Variants in USP22 observed in about 807,000 individuals in gnomAD.
USP22 encodes the protein ubiquitin specific peptidase 22.
USP22 carries 22 observed loss-of-function variants against 68.1 expected under a neutral mutation model. That is an observed-to-expected ratio of 0.32 (90% CI 0.23 to 0.46). USP22 has a LOEUF of 0.46. USP22 is among the 20% of genes least tolerant of loss of function. The pLI is 1.00. For synonymous variants in USP22, 279 were observed against 274.2 expected (o/e 1.02, Z -0.17); for missense variants, 433 against 695.8 (o/e 0.62, Z 4.25).
At position 21,021,353 on chromosome 17, in the gene USP22, A is replaced by C. The variant is rs148300071; in HGVS notation, c.305-127T>G. 82 of 659,364 alleles carry C rather than the reference A, an allele frequency of 1.2e-4. 2 individuals are homozygous for C. Among genetic ancestry groups the C allele is most frequent in the African/African-American group, 1.2e-3 (69 of 56,164 alleles). The allele number at this position is 659,364 out of a possible 1,614,324, so 40.8% of individuals were successfully genotyped here. On this transcript the variant is annotated intron_variant, in intron 2 of 12. Transcript: ENST00000261497. ...TGTTCACAGCACCTTCCTATTCACAAGCAGGGAAGCCAGTCCAGCGGAGTC... is the reference window on the plus strand; with the variant it reads ...TGTTCACAGCACCTTCCTATTCACACGCAGGGAAGCCAGTCCAGCGGAGTC...
At chr17:21,042,357 A>G (rs1444603011) in intron 1 of USP22, 24 of 143,620 alleles carry the variant, frequency 1.7e-4, no homozygotes, top group African/African-American at 9.0e-4. Flanking sequence ...GGCGGAGAGA[A>G]AGGAGGGGGA....
rs950602215 is a variant in USP22, at chr17:21,019,197, A to G, written c.419-12T>C. ...CTTCTCTCCAACGCCTAAGCAGATG[A>G]AGGACAGTTCCAAGCGCTATTAGCT... On this transcript the variant is annotated splice_polypyrimidine_tract_variant and intron_variant, in intron 3 of 12. Transcript: ENST00000261497. The G allele has an allele frequency of 6.2e-7, 1 of 1,613,120 alleles. No homozygotes were observed. The highest frequency in any genetic ancestry group is 8.5e-7 in the Non-Finnish European group (1 of 1,179,132).
chr17:21,012,976 A>G, intron 6 of USP22, 41 bp from the exon 7 acceptor site: 1 of 1,586,982 alleles, frequency 6.3e-7, no homozygotes, highest in Non-Finnish European at 8.7e-7. Flanking sequence ...GTCTCCCCAA[A>G]TATGGGGAGT....
intron 8 of USP22, among the ~76,000 whole-genome samples, chr17:21,010,390 T>A (rs57721545): frequency 0.095 from 14,444 of 152,012 alleles, 1,690 homozygotes; most frequent in African/African-American, 0.28. Flanking sequence ...CATTTTTTTT[T>A]AAAAATCACT....
intron 2 of USP22, among the ~76,000 whole-genome samples, chr17:21,023,670 G>T (rs1972185764): frequency 6.7e-6 from 1 of 149,778 alleles, no homozygotes; most frequent in Non-Finnish European, 1.5e-5. Flanking sequence ...AAAAAAATTG[G>T]GAGAGTGGGG....
intron 8 of USP22, among the ~76,000 whole-genome samples, chr17:21,009,072 C>G (rs1476208246): frequency 9.4e-6 from 1 of 106,276 alleles, no homozygotes; most frequent in Non-Finnish European, 1.7e-5. Context: ...GCCTGGGCAA[C>G]AAGAGCAAGA....
intron 2 of USP22, among the ~76,000 whole-genome samples, chr17:21,026,074 CAT>C (rs1441006969): frequency 6.6e-6 from 1 of 152,140 alleles, no homozygotes; most frequent in African/African-American, 2.4e-5. Flanking sequence ...GCCTGGCCAA[CAT>C]GGTGAAACCC....
chr17:21,035,249 T>G (rs971080889), intron 1 of USP22, among the ~76,000 whole-genome samples: 1 of 152,218 alleles, frequency 6.6e-6, no homozygotes, highest in African/African-American at 2.4e-5. Flanking sequence ...TTACCAGAGC[T>G]GCTAACATAT....
intron 3 of USP22, 32 bp from the exon 4 acceptor site, chr17:21,019,217 T>C (rs370389621): frequency 1.9e-5 from 31 of 1,598,142 alleles, no homozygotes; most frequent in Non-Finnish European, 2.5e-5. Flanking sequence ...CCAAGCGCTA[T>C]TAGCTAGATT....
chr17:21,035,974 T>G (rs1972348833), intron 1 of USP22, among the ~76,000 whole-genome samples: 1 of 129,924 alleles, frequency 7.7e-6, no homozygotes, highest in Non-Finnish European at 1.5e-5. Flanking sequence ...GAGCTTGCAG[T>G]GAGCCGAGAT....
chr17:21,004,959 G>C lies in USP22; in HGVS notation c.1354C>G (p.Gln452Glu). The change falls in exon 11 of 13, where the codon CAG becomes GAG. Residue 452 changes from glutamine to glutamate, a missense_variant. Around this residue, in one of 4 missense-constraint regions of USP22, gnomAD observed 178 missense variants for 351.5 expected, o/e 0.51. Coordinates refer to ENST00000261497, the MANE Select transcript of USP22 (RefSeq NM_015276.2). ...KESRMNGQYQ[Q>E]PTDSLNNDNK... The stretch of plus-strand genomic sequence containing the variant: ...TCATTGTTGAGACTGTCCGTGGGCT[G>C]CTGGTACTGTCCATTCATCCTGCTC... 1 of 1,614,254 alleles carries C rather than the reference G, an allele frequency of 6.2e-7. No homozygotes were observed. Among genetic ancestry groups the C allele is most frequent in the South Asian group, 1.1e-5 (1 of 91,088 alleles).
Position 21,040,859 on chromosome 17 carries a change from G to A in USP22, c.171+1806C>T, listed in dbSNP as rs28615179. Among the ~76,000 whole-genome samples the A allele has an allele frequency of 2.4e-3, 357 of 150,972 alleles. 3 individuals are homozygous for A. Among genetic ancestry groups the A allele is most frequent in the African/African-American group, 8.4e-3 (344 of 41,056 alleles). On this transcript the variant is annotated intron_variant, in intron 1 of 12. Transcript: ENST00000261497. ...CCAGAGTAGCAACAGCACATTCCCT[G>A]TAGAAGACTGGCTTCAACCAGGCCA...
chr17:21,014,646 A>G (rs960420618), intron 6 of USP22, among the ~76,000 whole-genome samples: 1 of 152,198 alleles, frequency 6.6e-6, no homozygotes, highest in African/African-American at 2.4e-5. Context: ...GTAAGCGCCT[A>G]GGGCCCGGGT....
rs1003692787 is a variant in USP22, at chr17:21,011,334, C to T, written c.945-25G>A. The T allele has an allele frequency of 5.8e-6, 9 of 1,551,178 alleles. No individual in the cohort carries two copies. The African/African-American group carries it at 1.1e-4, about 19-fold the overall frequency. On this transcript the variant is annotated intron_variant, in intron 7 of 12. Transcript: ENST00000261497. ...ACTGGAAGCAGAGGGAAAACAATGGCTGTGAGGACTGACACCCACCCAGCT... is the reference window on the plus strand; with the variant it reads ...ACTGGAAGCAGAGGGAAAACAATGGTTGTGAGGACTGACACCCACCCAGCT...
At chr17:21,026,727 G>C (rs909466454) in intron 2 of USP22, among the ~76,000 whole-genome samples, 2 of 151,756 alleles carry the variant, frequency 1.3e-5, no homozygotes, top group Non-Finnish European at 2.9e-5. Flanking sequence ...CACTTTGGGA[G>C]GCCACAGCCG....
At chr17:21,005,596 G>A (rs1194763966) in intron 10 of USP22, among the ~76,000 whole-genome samples, 1 of 152,148 alleles carries the variant, frequency 6.6e-6, no homozygotes, top group Non-Finnish European at 1.5e-5. Flanking sequence ...GACCATCGTG[G>A]TCAGACTGAT....
intron 1 of USP22, among the ~76,000 whole-genome samples, chr17:21,040,766 G>T (rs1229280423): frequency 1.3e-5 from 2 of 152,140 alleles, no homozygotes; most frequent in Non-Finnish European, 2.9e-5. Flanking sequence ...AGAGTGGGGC[G>T]GTCCCCACTT....
chr17:21,033,156 A>G lies in USP22; in HGVS notation c.172-4482T>C, dbSNP rs557451761. On this transcript the variant is annotated intron_variant, in intron 1 of 12. Transcript: ENST00000261497. Reference sequence around the variant, plus strand: ...CTGGTGTGGTGGCTCCTGCAGAGGCAGGATTCCCCAGGCTGGCGGGTTTTC... The same window carrying G: ...CTGGTGTGGTGGCTCCTGCAGAGGCGGGATTCCCCAGGCTGGCGGGTTTTC... Among the ~76,000 whole-genome samples, 42 of 152,198 alleles carry G rather than the reference A, an allele frequency of 2.8e-4. 1 individual carries two copies. Among genetic ancestry groups the G allele is most frequent in the Admixed American group, 2.7e-3 (41 of 15,280 alleles).
At chr17:21,032,609 A>G (rs1430256469) in intron 1 of USP22, among the ~76,000 whole-genome samples, 1 of 152,154 alleles carries the variant, frequency 6.6e-6, no homozygotes, top group East Asian at 1.9e-4. Context: ...TGGGGTTCAC[A>G]TTCATTTTTA....
Sources: allele counts gnomAD v4.1 joint callset (sites outside exome capture counted in the v4.1 genomes callset), GRCh38; gene constraint gnomAD v4.1.1; regional missense constraint gnomAD v4.1.1; transcripts MANE v1.5; gene names NCBI Gene and HGNC (gene_info 2026-07-23, HGNC 2026-07-21).